Variants in DHX36 observed in about 807,000 individuals in gnomAD.
The protein encoded by DHX36 is ATP-dependent DNA/RNA helicase DHX36.
A neutral mutation model predicts 139.0 loss-of-function variants in DHX36; 50 were observed. That is an observed-to-expected ratio of 0.36 (90% CI 0.29 to 0.46). The LOEUF (loss-of-function observed/expected upper bound fraction) is 0.46. Ranked by LOEUF, DHX36 falls within the 20% of genes least tolerant of loss-of-function variation. The pLI, the probability that DHX36 is intolerant of heterozygous loss-of-function variation, is 1.00. For synonymous variants in DHX36, 425 were observed against 401.9 expected (o/e 1.06, Z -0.69); for missense variants, 1,024 against 1,211.3 (o/e 0.85, Z 2.29).
chr3:154,300,507 G>A (rs1000929364), intron 11 of DHX36, 87 bp downstream of exon 11: 1 of 997,438 alleles, frequency 1.0e-6, no homozygotes, highest in African/African-American at 1.6e-5. Flanking sequence ...TATTTCATAA[G>A]CATTTAAGAA....
chr3:154,306,315 T>G lies in DHX36; in HGVS notation c.814-20A>C. The G allele has an allele frequency of 6.3e-7, 1 of 1,596,290 alleles. No individual in the cohort carries two copies. The highest frequency in any genetic ancestry group is 8.6e-7 in the Non-Finnish European group (1 of 1,165,010). On this transcript the variant is annotated intron_variant, in intron 5 of 24. Coordinates refer to ENST00000496811, the MANE Select transcript of DHX36 (RefSeq NM_020865.3). The stretch of plus-strand genomic sequence containing the variant: ...CGCAACCTTTAATTCAAATAAAACA[T>G]AAAGAGAATATAATTTCCTTTAGAA...
At chr3:154,286,476 A>G (rs1711557381) in intron 17 of DHX36, among the ~76,000 whole-genome samples, 1 of 151,548 alleles carries the variant, frequency 6.6e-6, no homozygotes, top group Admixed American at 6.6e-5. Flanking sequence ...AGATGATGAA[A>G]TATTTAAAAG....
Position 154,311,635 on chromosome 3 carries a change from C to G in DHX36, c.642+1G>C. 6.3e-7 allele frequency: 1 copy of G among 1,595,442 alleles called. No homozygotes were observed. Among genetic ancestry groups the G allele is most frequent in the Non-Finnish European group, 8.5e-7 (1 of 1,174,686 alleles). The stretch of plus-strand genomic sequence containing the variant: ...TTAAATAGTGGAAAAAAGCACTTTA[C>G]CTTTTGCATTCCATACGAAGGCAGC... On this transcript the variant is annotated splice_donor_variant, in intron 4 of 24. Transcript: ENST00000496811. LOFTEE classifies it high-confidence loss of function.
chr3:154,288,575 A>G (rs2108340385), intron 17 of DHX36, among the ~76,000 whole-genome samples: 1 of 152,298 alleles, frequency 6.6e-6, no homozygotes, highest in East Asian at 1.9e-4. Context: ...ATTAAAGACC[A>G]GTAACTTAAA....
intron 17 of DHX36, among the ~76,000 whole-genome samples, chr3:154,287,873 A>G (rs1346825076): frequency 6.6e-6 from 1 of 152,084 alleles, no homozygotes; most frequent in Admixed American, 6.6e-5. Flanking sequence ...CTTCAATGAC[A>G]GTCATAGAAA....
chr3:154,278,262 G>C (rs2108329892), intron 22 of DHX36, among the ~76,000 whole-genome samples: 1 of 151,690 alleles, frequency 6.6e-6, no homozygotes, highest in East Asian at 1.9e-4. Flanking sequence ...CATGTTGACA[G>C]TTCTAATTCA....
intron 1 of DHX36, among the ~76,000 whole-genome samples, chr3:154,317,860 A>C (rs2108367685): frequency 6.6e-6 from 1 of 152,214 alleles, no homozygotes; most frequent in South Asian, 2.1e-4. Flanking sequence ...ATCCACAGTA[A>C]AACTAATGAC....
chr3:154,274,348 C>T lies in DHX36; in HGVS notation c.*1823G>A, dbSNP rs115821971. On this transcript the variant is annotated 3_prime_UTR_variant, in exon 25 of 25. Coordinates refer to ENST00000496811, the MANE Select transcript of DHX36 (RefSeq NM_020865.3). ...AAAACAAAACAAAACAAAAAACCAA[C>T]AAAAAACTAACAATATCCTATTAAA... 1 of 190,498 alleles carries T rather than the reference C, an allele frequency of 5.2e-6. No individual in the cohort carries two copies. The highest frequency in any genetic ancestry group is 1.1e-5 in the Non-Finnish European group (1 of 94,786). The allele number at this position is 190,498 out of a possible 1,614,324, so 11.8% of individuals were successfully genotyped here. A position where few individuals can be genotyped will look rare whatever the true frequency, so the allele number is the denominator to read the frequency against.
chr3:154,303,525 T>C, intron 8 of DHX36, 115 bp from the exon 9 acceptor site: 1 of 733,590 alleles, frequency 1.4e-6, no homozygotes, highest in Non-Finnish European at 2.1e-6. Context: ...AAAATGGTCC[T>C]GTAGCTTTTA....
chr3:154,315,644 G>A (rs1037790504), intron 2 of DHX36, among the ~76,000 whole-genome samples: 51 of 151,924 alleles, frequency 3.4e-4, no homozygotes, highest in Non-Finnish European at 5.6e-4. Flanking sequence ...GCTACAAATA[G>A]GATGCTACAA....
intron 20 of DHX36, among the ~76,000 whole-genome samples, chr3:154,282,161 CAAAAT>C (rs1327851966): frequency 6.6e-6 from 1 of 152,114 alleles, no homozygotes; most frequent in East Asian, 1.9e-4. Context: ...ACATACATCT[CAAAAT>C]AAACGTTCAA....
intron 4 of DHX36, among the ~76,000 whole-genome samples, 169 bp from the exon 5 acceptor site, chr3:154,309,992 T>A (rs2108359698): frequency 6.6e-6 from 1 of 152,304 alleles, no homozygotes; most frequent in Non-Finnish European, 1.5e-5. Context: ...TCTACCAACC[T>A]GCAAGAGATA....
At chr3:154,283,310 G>C in intron 19 of DHX36, 39 bp from the exon 20 acceptor site, 1 of 1,390,030 alleles carries the variant, frequency 7.2e-7, no homozygotes, top group East Asian at 2.3e-5. Context: ...TATTTCTCCC[G>C]CAAACAAAGA....
chr3:154,311,337 G>T (rs1712757403), intron 4 of DHX36, among the ~76,000 whole-genome samples: 2 of 151,854 alleles, frequency 1.3e-5, no homozygotes, highest in South Asian at 4.2e-4. Flanking sequence ...ATTTTTAACT[G>T]AAGTATTTGG....
intron 19 of DHX36, among the ~76,000 whole-genome samples, chr3:154,284,353 G>A (rs1299559928): frequency 2.0e-5 from 3 of 151,840 alleles, no homozygotes; most frequent in Admixed American, 6.6e-5. Flanking sequence ...GCTAATTTTT[G>A]TATTTGTAGT....
intron 22 of DHX36, chr3:154,278,477 G>T (rs1719228070): frequency 1.4e-5 from 2 of 139,526 alleles, no homozygotes; most frequent in African/African-American, 2.6e-5. Context: ...CTCTTTCGAA[G>T]TTTTTTTTTT....
At chr3:154,319,061 G>A (rs1713093578) in intron 1 of DHX36, 1 of 152,144 alleles carries the variant, frequency 6.6e-6, no homozygotes. Context: ...TCTGGATGCT[G>A]CAGGTAGCAG....
intron 1 of DHX36, chr3:154,319,080 C>G (rs1275243100): frequency 1.3e-5 from 2 of 152,156 alleles, no homozygotes; most frequent in African/African-American, 4.8e-5. Flanking sequence ...AGAGAACATA[C>G]CTTAATTCCA....
chr3:154,276,177 G>A lies in DHX36; in HGVS notation c.3021C>T (p.Tyr1007=), dbSNP rs1719142365. ...NFPPRFQDGY[Y]S ...GACCACCCCTGAAAAGCTGTCAGCTGTAATATCCATCCTGGAATCGTGGCG... is the reference window on the plus strand; with the variant it reads ...GACCACCCCTGAAAAGCTGTCAGCTATAATATCCATCCTGGAATCGTGGCG... The change falls in exon 25 of 25, where the codon TAC becomes TAT. Residue 1007 remains tyrosine, a synonymous_variant. Transcript: ENST00000496811. 5 of 1,610,730 alleles carry A rather than the reference G, an allele frequency of 3.1e-6. No individual in the cohort carries two copies. The highest frequency in any genetic ancestry group is 3.4e-5 in the Admixed American group (2 of 59,330).
Sources: allele counts gnomAD v4.1 joint callset (sites outside exome capture counted in the v4.1 genomes callset), GRCh38; gene constraint gnomAD v4.1.1; transcripts MANE v1.5; gene names NCBI Gene and HGNC (gene_info 2026-07-23, HGNC 2026-07-21).